DOK5: variants seen among roughly 807,000 people sequenced by gnomAD.
DOK5 encodes the protein downstream of tyrosine kinase 5.
Under a neutral mutation model 43.3 loss-of-function variants are expected in DOK5, and 27 were observed. The ratio of observed to expected loss-of-function variants is 0.62; its 90% CI spans 0.46 to 0.86. DOK5 has a LOEUF of 0.86. Among genes scored for constraint, DOK5 ranks in the 40% least tolerant of loss-of-function variants. DOK5 has a pLI of 0.00. For missense variants in DOK5, 373 were observed against 392.9 expected, an observed-to-expected ratio of 0.95 and a Z score of 0.43; for synonymous variants, 146 against 140.1, an observed-to-expected ratio of 1.04 and a Z score of -0.30.
At chr20:54,632,180 A>G (rs565606552) in intron 6 of DOK5, among the ~76,000 whole-genome samples, 1 of 152,300 alleles carries the variant, frequency 6.6e-6, no homozygotes, top group Non-Finnish European at 1.5e-5. Context: ...CAATGGTTCC[A>G]TGCCTATAGT....
chr20:54,634,141 G>A (rs766547458), intron 6 of DOK5, among the ~76,000 whole-genome samples: 2 of 152,196 alleles, frequency 1.3e-5, no homozygotes, highest in Non-Finnish European at 2.9e-5. Flanking sequence ...TTTTCTCAGT[G>A]ACAAGCTATG....
intron 5 of DOK5, among the ~76,000 whole-genome samples, chr20:54,607,336 C>T (rs1600731844): frequency 1.3e-5 from 2 of 151,982 alleles, no homozygotes; most frequent in African/African-American, 4.8e-5. Flanking sequence ...TATGCATTCA[C>T]GTTCTCTGCC....
intron 2 of DOK5, among the ~76,000 whole-genome samples, chr20:54,579,709 G>A (rs185152954): frequency 3.9e-4 from 59 of 152,222 alleles, no homozygotes; most frequent in African/African-American, 1.3e-3. Context: ...AGGTTCATCC[G>A]TGTTGGAGCA....
chr20:54,477,473 A>G (rs942936247), intron 1 of DOK5, among the ~76,000 whole-genome samples: 1 of 152,168 alleles, frequency 6.6e-6, no homozygotes, highest in African/African-American at 2.4e-5. Flanking sequence ...AGCTCTGCCA[A>G]AGTTTCCTTG....
chr20:54,515,741 A>G (rs561238457), intron 1 of DOK5, among the ~76,000 whole-genome samples: 85 of 152,346 alleles, frequency 5.6e-4, no homozygotes, highest in African/African-American at 2.0e-3. Flanking sequence ...TTGGTTACCA[A>G]TGAAAAGTGG....
At chr20:54,525,483 A>ACTT (rs939785101) in intron 1 of DOK5, among the ~76,000 whole-genome samples, 2 of 152,200 alleles carry the variant, frequency 1.3e-5, no homozygotes, top group African/African-American at 4.8e-5. Flanking sequence ...TTATTACTGC[A>ACTT]CTTTATTTCT....
intron 4 of DOK5, among the ~76,000 whole-genome samples, chr20:54,591,211 A>G (rs1020214258): frequency 2.0e-5 from 3 of 152,152 alleles, no homozygotes. Context: ...CCATGACATA[A>G]TTGTTTTGCA....
chr20:54,643,619 C>T (rs1979232360), intron 7 of DOK5, 41 bp downstream of exon 7: 1 of 1,588,342 alleles, frequency 6.3e-7, no homozygotes, highest in East Asian at 2.3e-5. Context: ...TGGGCCAGGC[C>T]TGGGAGTACT....
intron 5 of DOK5, among the ~76,000 whole-genome samples, chr20:54,600,912 CT>C (rs141589076): frequency 3.3e-5 from 5 of 152,216 alleles, no homozygotes; most frequent in African/African-American, 1.2e-4. Flanking sequence ...GTGACATAAT[CT>C]TTTTTTTCTT....
At chr20:54,637,898 A>G (rs531029977) in intron 6 of DOK5, among the ~76,000 whole-genome samples, 38 of 152,296 alleles carry the variant, frequency 2.5e-4, no homozygotes, top group Middle Eastern at 3.4e-3. Context: ...CAAGGCGGGC[A>G]GATCACAAGG....
intron 2 of DOK5, among the ~76,000 whole-genome samples, chr20:54,579,953 C>G (rs945216626): frequency 6.6e-6 from 1 of 152,058 alleles, no homozygotes; most frequent in Non-Finnish European, 1.5e-5. Context: ...CCGACAGGCC[C>G]TGGTGTGTGA....
At chr20:54,542,623 T>C (rs1011004537) in intron 1 of DOK5, among the ~76,000 whole-genome samples, 1 of 152,232 alleles carries the variant, frequency 6.6e-6, no homozygotes, top group East Asian at 1.9e-4. Flanking sequence ...TCCATCAGAA[T>C]GTTTTCAAAA....
Position 54,650,427 on chromosome 20 carries a change from C to T in DOK5, c.869C>T (p.Pro290Leu), listed in dbSNP as rs1979643208. 1 of 1,613,922 alleles carries T rather than the reference C, an allele frequency of 6.2e-7. No homozygotes were observed. Among genetic ancestry groups the T allele is most frequent in the Non-Finnish European group, 8.5e-7 (1 of 1,179,996 alleles). ...CTTTTTGGAAAAGATGTTTCCAGCC[C>T]TCTGAAGCTTCATCGAACAGAGACT... Reference protein sequence around the residue: ...QLYRLQDVSSPLKLHRTETFP... With the variant: ...QLYRLQDVSSLLKLHRTETFP... The change falls in exon 8 of 8, where the codon CCT becomes CTT. Residue 290 changes from proline to leucine, a missense_variant. Pro to Leu is a moderately conservative substitution (Grantham distance 98). Coordinates refer to ENST00000262593, the MANE Select transcript of DOK5 (RefSeq NM_018431.5).
At chr20:54,516,745 C>T (rs1391211666) in intron 1 of DOK5, among the ~76,000 whole-genome samples, 2 of 152,176 alleles carry the variant, frequency 1.3e-5, no homozygotes, top group Admixed American at 6.5e-5. Context: ...TAAATAGGTA[C>T]TAAAAGTCAA....
chr20:54,594,140 C>T (rs765484783), intron 5 of DOK5, among the ~76,000 whole-genome samples: 23 of 152,008 alleles, frequency 1.5e-4, no homozygotes, highest in Non-Finnish European at 3.2e-4. Flanking sequence ...GCACAGGTAC[C>T]CATGAACTTA....
chr20:54,645,472 C>T (rs1232615794), intron 7 of DOK5, among the ~76,000 whole-genome samples: 1 of 152,052 alleles, frequency 6.6e-6, no homozygotes, highest in Non-Finnish European at 1.5e-5. Context: ...GCATTTTTTT[C>T]TCAGTCTTTG....
intron 1 of DOK5, among the ~76,000 whole-genome samples, chr20:54,553,082 A>G (rs1042546891): frequency 1.3e-5 from 2 of 152,238 alleles, no homozygotes; most frequent in Non-Finnish European, 1.5e-5. Context: ...CCACATATAT[A>G]TGGTAATTGG....
chr20:54,554,939 C>A lies in DOK5; in HGVS notation c.73C>A (p.Gln25Lys). ...TCTTTGTATTTCCTTCCAGATTTAT[C>A]AGCGATGCTGGTTAGTATTCAAGAA... is the stretch of plus-strand genomic sequence containing the variant. ...RIRSRRLGIY[Q>K]RCWLVFKKAS... The change falls in exon 2 of 8, where the codon CAG becomes AAG. Residue 25 changes from glutamine (Q) to lysine (K), a missense_variant. Coordinates refer to ENST00000262593, the MANE Select transcript of DOK5 (RefSeq NM_018431.5). 6.2e-7 allele frequency: 1 copy of A among 1,608,992 alleles called. No individual in the cohort carries two copies. Among genetic ancestry groups the A allele is most frequent in the South Asian group, 1.1e-5 (1 of 90,926 alleles).
intron 2 of DOK5, chr20:54,555,663 T>G (rs1984686200): frequency 6.6e-6 from 1 of 152,270 alleles, no homozygotes; most frequent in Non-Finnish European, 1.5e-5. Flanking sequence ...GCAGCCTATG[T>G]ATTTTCTTTT....
Sources: gnomAD v4.1 joint callset for allele counts (sites outside exome capture counted in the v4.1 genomes callset) on GRCh38, gnomAD v4.1.1 for gene constraint, MANE v1.5 for transcripts, NCBI Gene and HGNC (gene_info 2026-07-23, HGNC 2026-07-21) for gene names.